Variants in FER observed in about 807,000 individuals in gnomAD.
FER encodes the protein FER tyrosine kinase, also known as tyrosine-protein kinase Fer.
In FER, 63 loss-of-function variants were observed where a neutral mutation model predicts 111.0. The ratio of observed to expected loss-of-function variants is 0.57; its 90% CI spans 0.46 to 0.70. The LOEUF (loss-of-function observed/expected upper bound fraction) is 0.70. Ranked by LOEUF, FER falls within the 30% of genes least tolerant of loss-of-function variation. FER has a pLI of 0.00. For missense variants in FER, 914 were observed against 954.0 expected (o/e 0.96, Z 0.55); for synonymous variants, 327 against 313.9 (o/e 1.04, Z -0.44).
At chr5:109,046,094 C>G (rs763584316) in intron 15 of FER, among the ~76,000 whole-genome samples, 3 of 151,484 alleles carry the variant, frequency 2.0e-5, no homozygotes, top group African/African-American at 7.2e-5. Flanking sequence ...TTTCATAGCC[C>G]TCTGATGAAA....
At chr5:108,901,377 G>C (rs1438054123) in intron 10 of FER, among the ~76,000 whole-genome samples, 1 of 152,040 alleles carries the variant, frequency 6.6e-6, no homozygotes, top group African/African-American at 2.4e-5. Flanking sequence ...AATTAAAGCT[G>C]TGTAATAAAG....
At chr5:109,100,954 A>G (rs956731716) in intron 17 of FER, among the ~76,000 whole-genome samples, 1 of 145,060 alleles carries the variant, frequency 6.9e-6, no homozygotes, top group African/African-American at 2.6e-5. Flanking sequence ...AGGGTAAAAG[A>G]TTTTCAGACT....
intron 17 of FER, among the ~76,000 whole-genome samples, chr5:109,115,065 TTA>T (rs1164423935): frequency 6.6e-6 from 1 of 152,114 alleles, no homozygotes; most frequent in African/African-American, 2.4e-5. Context: ...AATAATGAAT[TTA>T]TTTTAATTCT....
intron 2 of FER, among the ~76,000 whole-genome samples, chr5:108,782,972 T>C (rs761180740): frequency 2.6e-5 from 4 of 152,352 alleles, no homozygotes; most frequent in Non-Finnish European, 5.9e-5. Context: ...CATTGATCTA[T>C]TTTCTGTCTT....
intron 1 of FER, among the ~76,000 whole-genome samples, chr5:108,750,054 A>G (rs747973647): frequency 6.6e-6 from 1 of 152,224 alleles, no homozygotes; most frequent in Non-Finnish European, 1.5e-5. Flanking sequence ...AGTTGCGTAT[A>G]TTAATGGTTG....
chr5:108,757,431 AG>A (rs566436286), intron 1 of FER, among the ~76,000 whole-genome samples: 67 of 152,340 alleles, frequency 4.4e-4, no homozygotes, highest in African/African-American at 1.3e-3. Flanking sequence ...GAGAATAAAG[AG>A]GCCTGAGAAG....
intron 10 of FER, among the ~76,000 whole-genome samples, chr5:108,918,545 G>A (rs1489695936): frequency 1.3e-5 from 2 of 148,924 alleles, no homozygotes; most frequent in South Asian, 2.1e-4. Context: ...GGAGTGCAGT[G>A]GTGCGATCTC....
intron 17 of FER, among the ~76,000 whole-genome samples, chr5:109,104,742 AT>A (rs367663552): frequency 5.9e-5 from 9 of 151,386 alleles, no homozygotes; most frequent in East Asian, 3.9e-4. Flanking sequence ...TGAGACCAAT[AT>A]TTTTTTTTCT....
intron 13 of FER, among the ~76,000 whole-genome samples, chr5:108,972,782 TG>T (rs1432319654): frequency 6.6e-6 from 1 of 152,220 alleles, no homozygotes; most frequent in East Asian, 1.9e-4. Context: ...GTAGAAATTT[TG>T]GCTTTTAACG....
intron 2 of FER, among the ~76,000 whole-genome samples, chr5:108,796,839 G>A (rs1307374180): frequency 1.3e-5 from 2 of 152,044 alleles, no homozygotes; most frequent in African/African-American, 2.4e-5. Context: ...ATTGGGGGCC[G>A]TAAGAATGTG....
intron 10 of FER, among the ~76,000 whole-genome samples, chr5:108,911,430 C>T (rs1751530732): frequency 6.6e-6 from 1 of 151,876 alleles, no homozygotes; most frequent in Non-Finnish European, 1.5e-5. Context: ...TGTGTTTGTT[C>T]TGTTGATTAT....
intron 10 of FER, among the ~76,000 whole-genome samples, chr5:108,934,162 C>G (rs2149590986): frequency 6.6e-6 from 1 of 152,214 alleles, no homozygotes; most frequent in East Asian, 1.9e-4. Flanking sequence ...ATGACTGATG[C>G]CCAGCGTTTG....
chr5:108,798,307 A>T lies in FER; in HGVS notation c.125A>T (p.Tyr42Phe). 1 of 1,613,922 alleles carries T rather than the reference A, an allele frequency of 6.2e-7. No homozygotes were observed. Among genetic ancestry groups the T allele is most frequent in the Non-Finnish European group, 8.5e-7 (1 of 1,179,808 alleles). The change falls in exon 3 of 20, where the codon TAT (tyrosine) becomes TTT (phenylalanine). Residue 42 changes from tyrosine to phenylalanine, a missense_variant. Physicochemically the swap from Tyr to Phe is conservative, Grantham distance 22. Transcript: ENST00000281092. ...MALRIKSDKE[Y>F]ASTLQNLCNQ... Reference sequence around the variant, plus strand: ...CTGAGAATAAAAAGTGATAAAGAATATGCATCTACTTTACAGAACCTTTGT... The same window carrying T: ...CTGAGAATAAAAAGTGATAAAGAATTTGCATCTACTTTACAGAACCTTTGT...
intron 9 of FER, among the ~76,000 whole-genome samples, chr5:108,889,785 T>A (rs1033331515): frequency 3.9e-5 from 6 of 151,950 alleles, no homozygotes; most frequent in African/African-American, 1.4e-4. Flanking sequence ...TTCATAAATA[T>A]ATATACCTAT....
chr5:108,951,734 T>C (rs1390739699), intron 11 of FER, among the ~76,000 whole-genome samples: 4 of 152,156 alleles, frequency 2.6e-5, no homozygotes, highest in Admixed American at 2.0e-4. Flanking sequence ...TTTGCTTTTT[T>C]CAAAATGGTT....
intron 13 of FER, among the ~76,000 whole-genome samples, chr5:108,995,057 C>T (rs1763812640): frequency 6.6e-6 from 1 of 152,128 alleles, no homozygotes; most frequent in Non-Finnish European, 1.5e-5. Context: ...CATCTGCAAA[C>T]AGAGGTAGTT....
At chr5:109,096,489 C>A (rs1009658544) in intron 16 of FER, among the ~76,000 whole-genome samples, 2 of 151,912 alleles carry the variant, frequency 1.3e-5, no homozygotes, top group Non-Finnish European at 2.9e-5. Flanking sequence ...TATCTTCACT[C>A]TTTTCTGCTT....
At chr5:109,113,281 C>T (rs1042057666) in intron 17 of FER, among the ~76,000 whole-genome samples, 1 of 152,106 alleles carries the variant, frequency 6.6e-6, no homozygotes, top group East Asian at 1.9e-4. Flanking sequence ...GCTTACATAT[C>T]TATGACTTGA....
intron 16 of FER, among the ~76,000 whole-genome samples, chr5:109,092,251 G>A (rs1192619461): frequency 7.9e-6 from 1 of 126,560 alleles, no homozygotes; most frequent in Non-Finnish European, 1.6e-5. Flanking sequence ...AATAGACAGG[G>A]AGAGTACATC....
Sources: gnomAD v4.1 joint callset for allele counts (sites outside exome capture counted in the v4.1 genomes callset) on GRCh38, gnomAD v4.1.1 for gene constraint, MANE v1.5 for transcripts, NCBI Gene and HGNC (gene_info 2026-07-23, HGNC 2026-07-21) for gene names.